BCL11A: variants seen among roughly 807,000 people sequenced by gnomAD.
The protein encoded by BCL11A is B cell CLL/lymphoma 11A.
A neutral mutation model predicts 55.9 loss-of-function variants in BCL11A; 2 were observed. That is an observed-to-expected ratio of 0.04 (90% CI 0.01 to 0.11). BCL11A has a LOEUF of 0.11. Ranked by LOEUF, BCL11A falls within the 10% of genes least tolerant of loss-of-function variation. The probability of loss-of-function intolerance (pLI) is 1.00; values close to 1 mark genes in which losing one functional copy is unlikely to be tolerated. For missense variants in BCL11A, 817 were observed against 1,137.1 expected, an observed-to-expected ratio of 0.72 and a Z score of 4.05; for synonymous variants, 465 against 473.4, an observed-to-expected ratio of 0.98 and a Z score of 0.23.
chr2:60,507,773 C>T (rs1313672152), intron 2 of BCL11A, among the ~76,000 whole-genome samples: 4 of 151,632 alleles, frequency 2.6e-5, no homozygotes, highest in East Asian at 3.9e-4. Context: ...TGGGGGGCGA[C>T]GGGTGCGGGG....
intron 2 of BCL11A, chr2:60,522,083 CTG>C (rs1302418540): frequency 6.6e-6 from 1 of 152,270 alleles, no homozygotes; most frequent in African/African-American, 2.4e-5. Context: ...CAAGGCCATA[CTG>C]CTCTCCACCA....
downstream of BCL11A, chr2:60,452,614 C>A: frequency 6.2e-7 from 1 of 1,613,946 alleles, no homozygotes; most frequent in Non-Finnish European, 8.5e-7. Context: ...CCGAAAACTG[C>A]CACACATCTT....
intron 2 of BCL11A, chr2:60,483,969 T>C (rs1481324166): frequency 6.6e-6 from 1 of 152,074 alleles, no homozygotes; most frequent in Non-Finnish European, 1.5e-5. Flanking sequence ...AGAAGCTTGT[T>C]AGATGTAATG....
At chr2:60,550,571 G>C (rs1178086512) in intron 1 of BCL11A, among the ~76,000 whole-genome samples, 1 of 151,262 alleles carries the variant, frequency 6.6e-6, no homozygotes, top group Non-Finnish European at 1.5e-5. Flanking sequence ...GGGGCGGGGG[G>C]GTGGTACTGA....
chr2:60,466,895 C>A (rs1452760673), intron 3 of BCL11A, among the ~76,000 whole-genome samples: 2 of 152,170 alleles, frequency 1.3e-5, no homozygotes, highest in African/African-American at 2.4e-5. Context: ...TCACTGCCCA[C>A]CCCCTAACCT....
rs1676210098 is a variant in BCL11A, at chr2:60,460,802, C to T, written c.2110G>A (p.Gly704Arg). Residue 704 changes from glycine (G) to arginine (R), a missense_variant, in exon 4 of 4, where the codon GGG becomes AGG. Gly to Arg is a moderately radical substitution (Grantham distance 125). Around this residue, in one of 4 missense-constraint regions of BCL11A, gnomAD observed 379 missense variants for 425.3 expected, o/e 0.89. Coordinates refer to ENST00000642384, the MANE Select transcript of BCL11A (RefSeq NM_022893.4). ...CCCGAGATCCCTCCGTCCAGCTCCC[C>T]GGGCGGTGTGGAGAAGCGCAAACTC... ...NGSLRFSTPP[G>R]ELDGGISGRS... 1.9e-6 allele frequency: 3 copies of T among 1,612,868 alleles called. No homozygotes were observed. The highest frequency in any genetic ancestry group is 2.5e-6 in the Non-Finnish European group (3 of 1,180,026).
intron 2 of BCL11A, among the ~76,000 whole-genome samples, chr2:60,520,360 G>A (rs1478655656): frequency 6.6e-6 from 1 of 151,726 alleles, no homozygotes; most frequent in Non-Finnish European, 1.5e-5. Flanking sequence ...AACAGTATTT[G>A]GATATGTAAA....
Position 60,546,344 on chromosome 2 carries a change from A to C in BCL11A, c.56-44T>G. 1 of 1,540,632 alleles carries C rather than the reference A, an allele frequency of 6.5e-7. No homozygotes were observed. Among genetic ancestry groups the C allele is most frequent in the South Asian group, 1.2e-5 (1 of 85,818 alleles). ...AAGCACAATTATTAGAGTGCCAGAG[A>C]GGACAGAAAGGGGAGAAGCACATCT... On this transcript the variant is annotated intron_variant, in intron 1 of 3. Coordinates refer to ENST00000642384, the MANE Select transcript of BCL11A (RefSeq NM_022893.4). The surrounding 1 kb of genome is among the most constrained non-coding windows in gnomAD (Gnocchi z 4.1).
At chr2:60,525,266 A>T (rs1669154706) in intron 2 of BCL11A, 1 of 152,262 alleles carries the variant, frequency 6.6e-6, no homozygotes, top group African/African-American at 2.4e-5. Context: ...CCAAAAAAGC[A>T]AACTTGGAGA....
chr2:60,458,274 G>GA lies in BCL11A; in HGVS notation c.*2129_*2130insT. The stretch of plus-strand genomic sequence containing the variant: ...AATCTTAAACCTTTCCCCAATGTAT[G>GA]TTTTTTTTTTTTACAACCTGAAGAG... On this transcript the variant is annotated 3_prime_UTR_variant, in exon 4 of 4. Transcript: ENST00000642384. The GA allele has an allele frequency of 2.6e-6, 2 of 768,064 alleles. No homozygotes were observed. Among genetic ancestry groups the GA allele is most frequent in the Non-Finnish European group, 3.2e-6 (2 of 626,692 alleles). The allele number at this position is 768,064 out of a possible 1,614,324, so 47.6% of individuals were successfully genotyped here.
intron 2 of BCL11A, among the ~76,000 whole-genome samples, chr2:60,479,592 G>A (rs1314147841): frequency 6.6e-6 from 1 of 152,182 alleles, no homozygotes; most frequent in East Asian, 1.9e-4. Flanking sequence ...AGCTGCCATC[G>A]CACTCAAACC....
intron 2 of BCL11A, among the ~76,000 whole-genome samples, chr2:60,484,786 A>G (rs956475411): frequency 9.2e-5 from 14 of 152,008 alleles, no homozygotes; most frequent in Admixed American, 7.9e-4. Flanking sequence ...TCCAGTATAA[A>G]ACCTCAAATT....
At chr2:60,490,165 C>T (rs1011577135) in intron 2 of BCL11A, among the ~76,000 whole-genome samples, 2 of 152,210 alleles carry the variant, frequency 1.3e-5, no homozygotes, top group African/African-American at 2.4e-5. Context: ...GGAAACCCTA[C>T]GGTCAACCAA....
chr2:60,539,198 G>A (rs1174840093), intron 2 of BCL11A, among the ~76,000 whole-genome samples: 1 of 152,194 alleles, frequency 6.6e-6, no homozygotes, highest in African/African-American at 2.4e-5. Context: ...ATGGTGTGGT[G>A]GTGGAAGAAG....
chr2:60,477,600 T>TGAAAGAAAG (rs1553407506), intron 2 of BCL11A, among the ~76,000 whole-genome samples: 2,302 of 150,660 alleles, frequency 0.015, 33 homozygotes, highest in Middle Eastern at 0.066. Flanking sequence ...TAGAGTAAAA[T>TGAAAGAAAG]AAATAAAGAA....
chr2:60,473,043 GTGTT>G (rs1677298403), intron 2 of BCL11A, among the ~76,000 whole-genome samples: 1 of 129,942 alleles, frequency 7.7e-6, no homozygotes, highest in Admixed American at 7.6e-5. Flanking sequence ...GCATGCATAT[GTGTT>G]TGTGAGCATG....
intron 2 of BCL11A, among the ~76,000 whole-genome samples, chr2:60,519,728 G>T (rs1668895084): frequency 6.6e-6 from 1 of 152,208 alleles, no homozygotes; most frequent in South Asian, 2.1e-4. Flanking sequence ...GCAGCTGGGA[G>T]CCACTGGTTT....
chr2:60,476,730 C>T (rs563189973), intron 2 of BCL11A, among the ~76,000 whole-genome samples: 2 of 152,318 alleles, frequency 1.3e-5, no homozygotes, highest in Non-Finnish European at 2.9e-5. Flanking sequence ...CCCCCAACCC[C>T]CAATATCCTC....
Position 60,459,592 on chromosome 2 carries a change from G to A in BCL11A, c.*812C>T. The A allele has an allele frequency of 9.7e-7, 1 of 1,028,424 alleles. No homozygotes were observed. The highest frequency in any genetic ancestry group is 1.2e-6 in the Non-Finnish European group (1 of 855,506). The allele number at this position is 1,028,424 out of a possible 1,614,324, so 63.7% of individuals were successfully genotyped here. ...ATAGAATTATATGCTAGTTCCTAAG[G>A]TTTATTACCTCACCCAATGCTGAAT... On this transcript the variant is annotated 3_prime_UTR_variant, in exon 4 of 4. Transcript: ENST00000642384.
Sources: gnomAD v4.1 joint callset for allele counts (sites outside exome capture counted in the v4.1 genomes callset) on GRCh38, gnomAD v4.1.1 for gene constraint, gnomAD v4.1.1 regional missense constraint, Gnocchi (gnomAD v3.1) non-coding constraint, MANE v1.5 for transcripts, NCBI Gene and HGNC (gene_info 2026-07-23, HGNC 2026-07-21) for gene names.